The following GRID2 variants were observed in gnomAD, a reference collection of about 807,000 sequenced individuals.
GRID2 encodes glutamate receptor ionotropic, delta-2.
GRID2 carries 33 observed loss-of-function variants against 114.8 expected under a neutral mutation model. The observed-to-expected ratio is 0.29, with a 90% CI of 0.22 to 0.38. The LOEUF is 0.38. Among genes scored for constraint, GRID2 ranks in the 10% least tolerant of loss-of-function variants. The pLI, the probability that GRID2 is intolerant of heterozygous loss-of-function variation, is 1.00. For synonymous variants in GRID2, 505 were observed against 449.9 expected (o/e 1.12, Z -1.55); for missense variants, 1,184 against 1,257.7 (o/e 0.94, Z 0.89).
intron 1 of GRID2, among the ~76,000 whole-genome samples, chr4:92,492,276 G>T (rs951224634): frequency 6.6e-6 from 1 of 152,154 alleles, no homozygotes; most frequent in Admixed American, 6.5e-5. Context: ...TTCACTATTT[G>T]GTTATTATAT....
intron 1 of GRID2, among the ~76,000 whole-genome samples, chr4:92,497,151 A>G (rs1332191313): frequency 6.6e-6 from 1 of 151,848 alleles, no homozygotes; most frequent in Non-Finnish European, 1.5e-5. Context: ...TTAAAAAAAA[A>G]TCTTTGAGAC....
At chr4:93,679,663 G>T (rs1419643381) in intron 14 of GRID2, among the ~76,000 whole-genome samples, 2 of 150,994 alleles carry the variant, frequency 1.3e-5, no homozygotes, top group African/African-American at 4.9e-5. Context: ...CTGACAGCCT[G>T]CTCCTGAATG....
At chr4:93,578,410 G>A (rs1227166033) in intron 13 of GRID2, among the ~76,000 whole-genome samples, 2 of 152,004 alleles carry the variant, frequency 1.3e-5, no homozygotes, top group South Asian at 2.1e-4. Flanking sequence ...AGTGGGGAGG[G>A]GTTGGGGATG....
intron 1 of GRID2, among the ~76,000 whole-genome samples, chr4:92,344,307 G>A: frequency 6.6e-6 from 1 of 152,096 alleles, no homozygotes; most frequent in Non-Finnish European, 1.5e-5. Context: ...GTAAATAAAA[G>A]TATTTAGAGT....
chr4:92,687,386 C>T (rs533583036), intron 2 of GRID2, among the ~76,000 whole-genome samples: 2 of 152,020 alleles, frequency 1.3e-5, no homozygotes, highest in East Asian at 3.9e-4. Context: ...GATTCCATAC[C>T]ACCACAATAA....
At chr4:93,677,059 C>A (rs76618279) in intron 14 of GRID2, among the ~76,000 whole-genome samples, 3 of 152,102 alleles carry the variant, frequency 2.0e-5, no homozygotes, top group African/African-American at 7.2e-5. Context: ...GCTGGAAAAT[C>A]GGGTCACTCC....
At chr4:92,564,030 T>C (rs571389457) in intron 1 of GRID2, among the ~76,000 whole-genome samples, 4 of 152,220 alleles carry the variant, frequency 2.6e-5, no homozygotes, top group Admixed American at 2.6e-4. Flanking sequence ...CTATCCATGA[T>C]TTCTGAATCT....
At chr4:92,588,637 C>T (rs1339569530) in intron 1 of GRID2, among the ~76,000 whole-genome samples, 2 of 142,296 alleles carry the variant, frequency 1.4e-5, no homozygotes, top group East Asian at 4.3e-4. Context: ...CGAGATGGCG[C>T]CACTGCACTC....
chr4:93,468,925 T>G (rs1042197751), intron 11 of GRID2, among the ~76,000 whole-genome samples: 1 of 152,158 alleles, frequency 6.6e-6, no homozygotes, highest in Admixed American at 6.6e-5. Context: ...TACAAATGTA[T>G]ACATGTTTAG....
intron 8 of GRID2, among the ~76,000 whole-genome samples, chr4:93,316,861 TACA>T: frequency 6.6e-6 from 1 of 152,128 alleles, no homozygotes; most frequent in African/African-American, 2.4e-5. Context: ...TATTTCTGAG[TACA>T]TTTAATGATT....
intron 2 of GRID2, among the ~76,000 whole-genome samples, chr4:93,027,067 G>A (rs1024283537): frequency 6.6e-6 from 1 of 151,952 alleles, no homozygotes; most frequent in Non-Finnish European, 1.5e-5. Context: ...TGTGGAATGC[G>A]ATCAACACCA....
chr4:93,085,326 G>GCAAATATC, intron 3 of GRID2, 47 bp downstream of exon 3: 1 of 1,389,924 alleles, frequency 7.2e-7, no homozygotes, highest in Non-Finnish European at 1.0e-6. Context: ...ATATTTGCAT[G>GCAAATATC]AGAAGCAAAT....
chr4:92,547,916 G>A (rs1579561065), intron 1 of GRID2, among the ~76,000 whole-genome samples: 1 of 151,896 alleles, frequency 6.6e-6, no homozygotes, highest in East Asian at 1.9e-4. Context: ...GATTCCAACA[G>A]GATTAGTCTA....
intron 1 of GRID2, among the ~76,000 whole-genome samples, chr4:92,450,930 A>G (rs563652626): frequency 1.9e-4 from 29 of 149,600 alleles, no homozygotes; most frequent in Non-Finnish European, 3.7e-4. Flanking sequence ...AAATAAATTT[A>G]AATTAAAATA....
chr4:93,604,534 A>G (rs892607198), intron 13 of GRID2, among the ~76,000 whole-genome samples: 1 of 152,240 alleles, frequency 6.6e-6, no homozygotes, highest in African/African-American at 2.4e-5. Flanking sequence ...TTAGTTGGTA[A>G]AGCAGCAGCA....
At chr4:93,334,691 G>T (rs1329045855) in intron 8 of GRID2, among the ~76,000 whole-genome samples, 1 of 152,164 alleles carries the variant, frequency 6.6e-6, no homozygotes, top group Non-Finnish European at 1.5e-5. Context: ...GGTCTTGGGA[G>T]GCTGAGGCAG....
chr4:93,606,642 TTA>T (rs1740266545), intron 13 of GRID2, among the ~76,000 whole-genome samples: 1 of 152,182 alleles, frequency 6.6e-6, no homozygotes, highest in Non-Finnish European at 1.5e-5. Context: ...ATCATAAATT[TTA>T]TGTGTATTGG....
chr4:92,558,823 A>G (rs1726986579), intron 1 of GRID2, among the ~76,000 whole-genome samples: 2 of 143,462 alleles, frequency 1.4e-5, no homozygotes, highest in South Asian at 4.4e-4. Flanking sequence ...ATAAATGGAA[A>G]TAATGAATTC....
intron 2 of GRID2, among the ~76,000 whole-genome samples, chr4:92,592,477 T>G (rs1728751205): frequency 6.6e-6 from 1 of 152,170 alleles, no homozygotes; most frequent in Non-Finnish European, 1.5e-5. Context: ...CTACACCTTT[T>G]TTTTTGTTTC....
Sources: allele counts gnomAD v4.1 joint callset (sites outside exome capture counted in the v4.1 genomes callset), GRCh38; gene constraint gnomAD v4.1.1; transcripts MANE v1.5; gene names NCBI Gene and HGNC (gene_info 2026-07-23, HGNC 2026-07-21).